THRAP3: variants seen among roughly 807,000 people sequenced by gnomAD.
THRAP3 encodes thyroid hormone receptor associated protein 3.
Under a neutral mutation model 101.0 loss-of-function variants are expected in THRAP3, and 16 were observed. The ratio of observed to expected loss-of-function variants is 0.16; its 90% CI spans 0.11 to 0.24. The LOEUF (loss-of-function observed/expected upper bound fraction) is 0.24. THRAP3 is among the 10% of genes least tolerant of loss of function. THRAP3 has a pLI of 1.00. For missense variants in THRAP3, 989 were observed against 1,202.7 expected, an observed-to-expected ratio of 0.82 and a Z score of 2.63; for synonymous variants, 407 against 422.6, an observed-to-expected ratio of 0.96 and a Z score of 0.45.
intron 2 of THRAP3, among the ~76,000 whole-genome samples, chr1:36,262,786 A>ATTTTAT (rs1256357626): frequency 1.5e-5 from 2 of 130,528 alleles, no homozygotes; most frequent in Admixed American, 7.6e-5. Flanking sequence ...ATTTTATTTT[A>ATTTTAT]TTTATTTATT....
intron 1 of THRAP3, among the ~76,000 whole-genome samples, chr1:36,238,131 C>T (rs1184646445): frequency 2.0e-5 from 3 of 152,100 alleles, no homozygotes; most frequent in Non-Finnish European, 4.4e-5. Context: ...CCGCGCCCGG[C>T]GATTTAGCAA....
chr1:36,303,747 G>C (rs1487290814), intron 11 of THRAP3, 49 bp from the exon 12 acceptor site: 6 of 1,612,620 alleles, frequency 3.7e-6, no homozygotes, highest in Non-Finnish European at 5.1e-6. Flanking sequence ...GAGAGCTCTG[G>C]CCACATCTTG....
intron 2 of THRAP3, among the ~76,000 whole-genome samples, chr1:36,278,130 T>C (rs1645685448): frequency 6.7e-6 from 1 of 150,224 alleles, no homozygotes; most frequent in African/African-American, 2.5e-5. Context: ...ACTGGCGTGA[T>C]CTTCGCTCAC....
chr1:36,244,640 G>C (rs1288713289), intron 1 of THRAP3, among the ~76,000 whole-genome samples: 2 of 150,774 alleles, frequency 1.3e-5, no homozygotes, highest in East Asian at 3.9e-4. Flanking sequence ...TTTCACTCCT[G>C]TGAGTTCTAT....
At chr1:36,221,543 A>C (rs1034282008), upstream of THRAP3, among the ~76,000 whole-genome samples, 1 of 152,226 alleles carries the variant, frequency 6.6e-6, no homozygotes, top group Admixed American at 6.6e-5. Flanking sequence ...CATAAAAGCA[A>C]GACCCTCCAC....
chr1:36,243,937 C>A (rs1479810849), intron 1 of THRAP3, among the ~76,000 whole-genome samples: 1 of 96,572 alleles, frequency 1.0e-5, no homozygotes, highest in Non-Finnish European at 2.2e-5. Context: ...ACCCCCCCAC[C>A]TCCCTCCCGG....
At chr1:36,214,428 C>G in the THRAP3 span, among the ~76,000 whole-genome samples, 1 of 152,188 alleles carries the variant, frequency 6.6e-6, no homozygotes, top group African/African-American at 2.4e-5. Context: ...TTCTTCATCC[C>G]CACTGAGAAT....
intron 1 of THRAP3, among the ~76,000 whole-genome samples, chr1:36,242,625 TG>T (rs1444391776): frequency 6.6e-6 from 1 of 152,082 alleles, no homozygotes; most frequent in Non-Finnish European, 1.5e-5. Context: ...GCTAATTTTT[TG>T]TATTTTTAGT....
At chr1:36,271,193 AAGTT>A (rs1392220196) in intron 2 of THRAP3, among the ~76,000 whole-genome samples, 1 of 152,210 alleles carries the variant, frequency 6.6e-6, no homozygotes, top group Non-Finnish European at 1.5e-5. Flanking sequence ...TTTTTAAAGT[AAGTT>A]CTACCAAATT....
At chr1:36,274,440 T>G (rs987757209) in intron 2 of THRAP3, among the ~76,000 whole-genome samples, 93 of 152,266 alleles carry the variant, frequency 6.1e-4, no homozygotes, top group African/African-American at 2.2e-3. Flanking sequence ...CATATGGACA[T>G]GTACCTAGAA....
intron 1 of THRAP3, among the ~76,000 whole-genome samples, chr1:36,237,976 C>T (rs908222473): frequency 2.0e-5 from 3 of 152,104 alleles, no homozygotes; most frequent in African/African-American, 7.2e-5. Context: ...TGTGTACCAC[C>T]ATGCCTGGTG....
At chr1:36,266,060 A>G (rs913402707) in intron 2 of THRAP3, among the ~76,000 whole-genome samples, 1 of 150,320 alleles carries the variant, frequency 6.7e-6, no homozygotes, top group African/African-American at 2.4e-5. Flanking sequence ...AGGCTGAGGT[A>G]GGGGAATTGC....
chr1:36,284,733 C>G (rs1379807521), intron 3 of THRAP3, among the ~76,000 whole-genome samples: 1 of 152,158 alleles, frequency 6.6e-6, no homozygotes, highest in Non-Finnish European at 1.5e-5. Flanking sequence ...AGGGCCCTCA[C>G]TAGTAATTGG....
rs1407083701 is a variant in THRAP3 at position 36,289,678 on chromosome 1, T to C, written c.1659T>C (p.Asp553=). Residue 553 remains aspartate, a synonymous_variant, in exon 5 of 12, where the codon GAT becomes GAC. Transcript: ENST00000354618. The part of the protein sequence containing the change: ...ESRDKLGAKG[D]FPTGKSSFSI... ...GAGACAAGCTGGGAGCGAAAGGAGA[T>C]TTTCCCACAGGAAAGTCTTCCTTTT... 2 of 1,613,882 alleles carry C rather than the reference T, an allele frequency of 1.2e-6. No individual in the cohort carries two copies. The highest frequency in any genetic ancestry group is 1.7e-6 in the Non-Finnish European group (2 of 1,179,990).
chr1:36,267,505 G>A (rs1645530836), intron 2 of THRAP3, among the ~76,000 whole-genome samples: 1 of 152,066 alleles, frequency 6.6e-6, no homozygotes, highest in South Asian at 2.1e-4. Context: ...CTCATTTAGG[G>A]ACCCTGAACA....
the THRAP3 span, among the ~76,000 whole-genome samples, chr1:36,210,089 G>A: frequency 5.9e-3 from 896 of 152,168 alleles, 11 homozygotes; most frequent in African/African-American, 0.02. Context: ...CTTTTTGGCC[G>A]GGCGCAGTGG....
chr1:36,282,111 C>T (rs1230368069), intron 2 of THRAP3, among the ~76,000 whole-genome samples: 6 of 151,774 alleles, frequency 4.0e-5, no homozygotes, highest in Admixed American at 2.0e-4. Context: ...TTTGTAGACA[C>T]GGGATATTGC....
intron 4 of THRAP3, chr1:36,287,995 C>A (rs1269135715): frequency 1.1e-6 from 1 of 922,228 alleles, no homozygotes; most frequent in Non-Finnish European, 1.3e-6. Flanking sequence ...GTGGCTCCCC[C>A]TTTTTTTTTC....
intron 11 of THRAP3, 42 bp downstream of exon 11, chr1:36,301,738 G>C: frequency 1.9e-6 from 3 of 1,583,782 alleles, no homozygotes; most frequent in Non-Finnish European, 2.6e-6. Flanking sequence ...GAGGGCCTTT[G>C]ACACACAGAG....
Sources: gnomAD v4.1 joint callset for allele counts (sites outside exome capture counted in the v4.1 genomes callset) on GRCh38, gnomAD v4.1.1 for gene constraint, MANE v1.5 for transcripts, NCBI Gene and HGNC (gene_info 2026-07-23, HGNC 2026-07-21) for gene names.